The following CUEDC1 variants were observed in gnomAD, a reference collection of about 807,000 sequenced individuals.
CUEDC1 encodes CUE domain-containing protein 1.
In CUEDC1, 30 loss-of-function variants were observed where a neutral mutation model predicts 43.7. That is an observed-to-expected ratio of 0.69 (90% CI 0.51 to 0.93). CUEDC1 has a LOEUF of 0.93. CUEDC1 is among the 40% of genes least tolerant of loss of function. CUEDC1 has a pLI of 0.00. For missense variants in CUEDC1, 486 were observed against 549.0 expected (o/e 0.89, Z 1.15); for synonymous variants, 223 against 223.6 (o/e 1.00, Z 0.02).
At chr17:57,951,355 G>A (rs2075005024) in intron 1 of CUEDC1, among the ~76,000 whole-genome samples, 1 of 152,168 alleles carries the variant, frequency 6.6e-6, no homozygotes, top group Non-Finnish European at 1.5e-5. Context: ...TCTACCTGGA[G>A]ATGCCTAACT....
intron 1 of CUEDC1, among the ~76,000 whole-genome samples, chr17:57,924,831 A>G (rs12941421): frequency 0.043 from 6,539 of 152,226 alleles, 145 homozygotes; most frequent in South Asian, 0.069. Context: ...AGAGGCCCCA[A>G]CTCTGGATTA....
At chr17:57,865,990 T>C (rs1192641198) in intron 10 of CUEDC1, among the ~76,000 whole-genome samples, 1 of 152,028 alleles carries the variant, frequency 6.6e-6, no homozygotes. Flanking sequence ...GCCAGGCTAA[T>C]TTTTGTATTT....
At chr17:57,925,659 A>G (rs2074740238) in intron 1 of CUEDC1, among the ~76,000 whole-genome samples, 1 of 152,154 alleles carries the variant, frequency 6.6e-6, no homozygotes, top group South Asian at 2.1e-4. Flanking sequence ...CCCAAGCATG[A>G]GGATATAAAA....
At chr17:57,871,455 G>A (rs2144923958) in intron 5 of CUEDC1, 86 bp from the exon 6 acceptor site, 3 of 1,083,560 alleles carry the variant, frequency 2.8e-6, no homozygotes, top group Non-Finnish European at 4.3e-6. Context: ...TAGTTTGCTA[G>A]AGGCTAAGTC....
intron 1 of CUEDC1, among the ~76,000 whole-genome samples, chr17:57,937,070 C>T (rs2074869531): frequency 6.6e-6 from 1 of 151,974 alleles, no homozygotes; most frequent in African/African-American, 2.4e-5. Context: ...CTGCCCACCT[C>T]GGCCTCCCAA....
chr17:57,919,537 A>G (rs1231346487), intron 1 of CUEDC1, among the ~76,000 whole-genome samples: 1 of 152,208 alleles, frequency 6.6e-6, no homozygotes, highest in African/African-American at 2.4e-5. Flanking sequence ...GAGGTGTACA[A>G]GTGAAAGAAG....
At chr17:57,951,461 G>T (rs1298278042) in intron 1 of CUEDC1, among the ~76,000 whole-genome samples, 1 of 151,700 alleles carries the variant, frequency 6.6e-6, no homozygotes, top group East Asian at 1.9e-4. Context: ...AGTGGAGTTG[G>T]AACTTTTTTT....
intron 1 of CUEDC1, among the ~76,000 whole-genome samples, chr17:57,896,223 T>C (rs1322326350): frequency 6.6e-6 from 1 of 152,168 alleles, no homozygotes; most frequent in Non-Finnish European, 1.5e-5. Context: ...CTACAGATGA[T>C]ATGTTTGCAA....
chr17:57,867,684 T>G, intron 8 of CUEDC1: 2 of 558,098 alleles, frequency 3.6e-6, no homozygotes, highest in Non-Finnish European at 6.4e-6. Flanking sequence ...GCCTCTGCTA[T>G]CCTAGGCCCT....
chr17:57,941,549 A>T (rs550949988), intron 1 of CUEDC1, among the ~76,000 whole-genome samples: 1 of 152,348 alleles, frequency 6.6e-6, no homozygotes, highest in African/African-American at 2.4e-5. Context: ...CCACAGAAGA[A>T]CTGGAGCCAG....
chr17:57,909,478 G>C (rs1263591479), intron 1 of CUEDC1, among the ~76,000 whole-genome samples: 1 of 152,210 alleles, frequency 6.6e-6, no homozygotes, highest in Non-Finnish European at 1.5e-5. Flanking sequence ...ACTATGGATG[G>C]TCAATCCCCA....
At chr17:57,873,808 G>A in intron 3 of CUEDC1, 91 bp from the exon 4 acceptor site, 1 of 1,341,648 alleles carries the variant, frequency 7.5e-7, no homozygotes, top group South Asian at 1.7e-5. Flanking sequence ...AGGCAGGTCG[G>A]ATCCTGCTCA....
chr17:57,920,565 T>A (rs1207535484), intron 1 of CUEDC1, among the ~76,000 whole-genome samples: 1 of 151,924 alleles, frequency 6.6e-6, no homozygotes, highest in Non-Finnish European at 1.5e-5. Flanking sequence ...AGAAATGGGA[T>A]GGGATTGGGG....
At chr17:57,891,133 A>C (rs771482250) in intron 1 of CUEDC1, among the ~76,000 whole-genome samples, 9 of 152,134 alleles carry the variant, frequency 5.9e-5, no homozygotes, top group Non-Finnish European at 1.3e-4. Context: ...ATGTGCTCCA[A>C]CCTCTCATGG....
intron 1 of CUEDC1, among the ~76,000 whole-genome samples, chr17:57,907,557 C>T (rs1364185499): frequency 1.3e-5 from 2 of 152,096 alleles, no homozygotes; most frequent in South Asian, 2.1e-4. Flanking sequence ...TTCAAAAGTA[C>T]ATACTGGGCC....
At chr17:57,893,156 T>A (rs938616721) in intron 1 of CUEDC1, among the ~76,000 whole-genome samples, 1 of 152,076 alleles carries the variant, frequency 6.6e-6, no homozygotes, top group Non-Finnish European at 1.5e-5. Context: ...CATGGTTGAG[T>A]CCTGCGGAAA....
intron 1 of CUEDC1, among the ~76,000 whole-genome samples, chr17:57,899,395 C>T (rs2074447437): frequency 6.6e-6 from 1 of 152,210 alleles, no homozygotes; most frequent in Admixed American, 6.5e-5. Context: ...CACATACCCA[C>T]GTGCCCACAC....
chr17:57,924,013 T>C (rs1194863352), intron 1 of CUEDC1, among the ~76,000 whole-genome samples: 1 of 152,140 alleles, frequency 6.6e-6, no homozygotes, highest in Non-Finnish European at 1.5e-5. Context: ...CTTGTTATAT[T>C]GCCCAGGCTG....
intron 1 of CUEDC1, among the ~76,000 whole-genome samples, chr17:57,911,592 T>G (rs186280686): frequency 6.6e-6 from 1 of 152,310 alleles, no homozygotes; most frequent in Non-Finnish European, 1.5e-5. Context: ...AATCTCCGCC[T>G]CCCAGGTTCA....
Sources: allele counts gnomAD v4.1 joint callset (sites outside exome capture counted in the v4.1 genomes callset), GRCh38; gene constraint gnomAD v4.1.1; transcripts MANE v1.5; gene names NCBI Gene and HGNC (gene_info 2026-07-23, HGNC 2026-07-21).